Variants in SIK2 observed in about 807,000 individuals in gnomAD.
SIK2 encodes the protein salt inducible kinase 2.
SIK2 carries 29 observed loss-of-function variants against 103.2 expected under a neutral mutation model. The ratio of observed to expected loss-of-function variants is 0.28; its 90% CI spans 0.21 to 0.38. SIK2 has a LOEUF of 0.38. Ranked by LOEUF, SIK2 falls within the 10% of genes least tolerant of loss-of-function variation. The pLI, the probability that SIK2 is intolerant of heterozygous loss-of-function variation, is 1.00. For synonymous variants in SIK2, 412 were observed against 446.1 expected (o/e 0.92, Z 0.96); for missense variants, 879 against 1,171.0 (o/e 0.75, Z 3.64).
chr11:111,721,811 C>T lies in SIK2; in HGVS notation c.1945-19C>T. On this transcript the variant is annotated intron_variant, in intron 12 of 14. Transcript: ENST00000304987. ...CCCCATGGGGAATTGAAAATTGTTTCCACCCCCTTGCTCCTCAGGAAGAAG... is the reference window on the plus strand; with the variant it reads ...CCCCATGGGGAATTGAAAATTGTTTTCACCCCCTTGCTCCTCAGGAAGAAG... The T allele has an allele frequency of 6.3e-7, 1 of 1,580,512 alleles. No individual in the cohort carries two copies. Among genetic ancestry groups the T allele is most frequent in the Non-Finnish European group, 8.6e-7 (1 of 1,164,274 alleles).
intron 3 of SIK2, among the ~76,000 whole-genome samples, chr11:111,644,384 T>A (rs1431146655): frequency 6.6e-6 from 1 of 151,978 alleles, no homozygotes. Flanking sequence ...GAAACTTTTT[T>A]TACATTTAAA....
At chr11:111,686,974 T>TG (rs772653628) in intron 3 of SIK2, among the ~76,000 whole-genome samples, 10 of 152,218 alleles carry the variant, frequency 6.6e-5, no homozygotes, top group Non-Finnish European at 1.0e-4. Flanking sequence ...GTATAATAAT[T>TG]GCATGAAAAC....
chr11:111,617,743 G>A (rs1005092389), intron 2 of SIK2, among the ~76,000 whole-genome samples: 8 of 151,972 alleles, frequency 5.3e-5, no homozygotes, highest in Non-Finnish European at 1.0e-4. Context: ...GTTTTGTTGT[G>A]TATATTTTAT....
Position 111,723,936 on chromosome 11 carries a change from C to T in SIK2, c.2588C>T (p.Thr863Ile), listed in dbSNP as rs759212346. ...SAASPAPDYP[T>I]PCQYPVDGAQ... ...GCTTCCCCTGCGCCAGACTATCCCA[C>T]TCCCTGTCAGTATCCTGTGGATGGA... Residue 863 changes from threonine to isoleucine, a missense_variant, in exon 15 of 15, where the codon ACT becomes ATT. Physicochemically the swap from Thr to Ile is moderately conservative, Grantham distance 89. This residue lies in a region of SIK2 where 375 missense variants were observed against 416.3 expected (regional missense o/e 0.90). Coordinates refer to ENST00000304987, the MANE Select transcript of SIK2 (RefSeq NM_015191.3). 1.5e-5 allele frequency: 24 copies of T among 1,614,104 alleles called. No homozygotes were observed. The highest frequency in any genetic ancestry group is 1.6e-4 in the Middle Eastern group (1 of 6,062).
chr11:111,613,816 A>G (rs151068195), intron 1 of SIK2, among the ~76,000 whole-genome samples: 1 of 152,290 alleles, frequency 6.6e-6, no homozygotes, highest in African/African-American at 2.4e-5. Flanking sequence ...AATTTTATAC[A>G]TTATGTTTAG....
chr11:111,614,659 T>A (rs1349180156), intron 1 of SIK2, among the ~76,000 whole-genome samples: 1 of 152,162 alleles, frequency 6.6e-6, no homozygotes, highest in African/African-American at 2.4e-5. Flanking sequence ...TCTTGCTGTC[T>A]TAGTGGTGGA....
intron 3 of SIK2, among the ~76,000 whole-genome samples, chr11:111,658,238 G>T (rs868526333): frequency 2.6e-5 from 4 of 151,790 alleles, no homozygotes; most frequent in Non-Finnish European, 4.4e-5. Flanking sequence ...TGATTCTTCT[G>T]CCTCAGCCTC....
At chr11:111,645,714 C>G (rs1942246242) in intron 3 of SIK2, among the ~76,000 whole-genome samples, 1 of 151,488 alleles carries the variant, frequency 6.6e-6, no homozygotes, top group Non-Finnish European at 1.5e-5. Context: ...ACTTGAGAGG[C>G]TAAGGGAGGA....
rs138781954 is a variant in SIK2 at position 111,693,032 on chromosome 11, G to A, written c.478+4870G>A. Among the ~76,000 whole-genome samples, 466 of 152,128 alleles carry A rather than the reference G, an allele frequency of 3.1e-3. 2 individuals are homozygous for A. The highest frequency in any genetic ancestry group is 0.01 in the African/African-American group (425 of 41,512). On this transcript the variant is annotated intron_variant, in intron 4 of 14. Coordinates refer to ENST00000304987, the MANE Select transcript of SIK2 (RefSeq NM_015191.3). ...TCAGTTTCCAGGTTTTGTTTTCCCC[G>A]TGGGTAAAAACTTGAGACAGGCCGG...
rs1384952981 is a variant in SIK2, at chr11:111,730,056, G to GT, written c.*5928dup. On this transcript the variant is annotated 3_prime_UTR_variant, in exon 15 of 15. Coordinates refer to ENST00000304987, the MANE Select transcript of SIK2 (RefSeq NM_015191.3). Reference sequence around the variant, plus strand: ...CTCAGCCTTTGTCTCAACGAGGGGCGTAACATTTCCTTACAGTCAAGCCCC... The same window carrying GT: ...CTCAGCCTTTGTCTCAACGAGGGGCGTTAACATTTCCTTACAGTCAAGCCCC... 18 of 152,250 alleles carry GT rather than the reference G, an allele frequency of 1.2e-4. No individual in the cohort carries two copies. The highest frequency in any genetic ancestry group is 3.9e-4 in the African/African-American group (16 of 41,458). The allele number at this position is 152,250 out of a possible 1,614,324, so 9.4% of individuals were successfully genotyped here. A position where few individuals can be genotyped will look rare whatever the true frequency, so the allele number is the denominator to read the frequency against.
At chr11:111,623,258 A>C (rs1419098747) in intron 3 of SIK2, among the ~76,000 whole-genome samples, 1 of 152,002 alleles carries the variant, frequency 6.6e-6, no homozygotes, top group African/African-American at 2.4e-5. Context: ...AATGCCTTCC[A>C]TGTCTTTACT....
At chr11:111,718,523 G>A (rs1248033409) in intron 9 of SIK2, among the ~76,000 whole-genome samples, 2 of 152,202 alleles carry the variant, frequency 1.3e-5, no homozygotes, top group Non-Finnish European at 2.9e-5. Context: ...TTACCCGAGT[G>A]AGGGCTATAG....
chr11:111,632,568 A>G (rs931109273), intron 3 of SIK2, among the ~76,000 whole-genome samples: 2 of 152,150 alleles, frequency 1.3e-5, no homozygotes, highest in Admixed American at 1.3e-4. Flanking sequence ...TTACAGTTGA[A>G]GAAACTGAGG....
At chr11:111,668,494 T>C (rs1174808982) in intron 3 of SIK2, among the ~76,000 whole-genome samples, 1 of 152,178 alleles carries the variant, frequency 6.6e-6, no homozygotes, top group Non-Finnish European at 1.5e-5. Context: ...CATTGATAAA[T>C]TTGAGTACAC....
Position 111,712,380 on chromosome 11 carries a change from G to C in SIK2, c.1266+5G>C. 2 of 1,612,052 alleles carry C rather than the reference G, an allele frequency of 1.2e-6. No individual in the cohort carries two copies. Among genetic ancestry groups the C allele is most frequent in the Non-Finnish European group, 1.7e-6 (2 of 1,178,704 alleles). On this transcript the variant is annotated splice_donor_5th_base_variant and intron_variant, in intron 9 of 14. Transcript: ENST00000304987. The stretch of plus-strand genomic sequence containing the variant: ...GAGTGTGTGGACACTCCAAAGGTAC[G>C]GCTATGTTTGAGAGTCTCAGAACTG...
chr11:111,680,901 T>C (rs1942768494), intron 3 of SIK2, among the ~76,000 whole-genome samples: 1 of 152,230 alleles, frequency 6.6e-6, no homozygotes, highest in African/African-American at 2.4e-5. Flanking sequence ...TCTGTATAAT[T>C]TGAAATCTGC....
intron 3 of SIK2, among the ~76,000 whole-genome samples, chr11:111,642,623 C>CA (rs1942197598): frequency 6.6e-6 from 1 of 152,156 alleles, no homozygotes; most frequent in Non-Finnish European, 1.5e-5. Flanking sequence ...ATTACATAGG[C>CA]ATGATTGAGT....
At chr11:111,608,489 C>T (rs1941677205) in intron 1 of SIK2, among the ~76,000 whole-genome samples, 1 of 152,022 alleles carries the variant, frequency 6.6e-6, no homozygotes, top group South Asian at 2.1e-4. Context: ...AGAGATAATG[C>T]CTGTTAATAT....
intron 1 of SIK2, 84 bp from the exon 2 acceptor site, chr11:111,616,159 T>C: frequency 2.3e-6 from 2 of 862,842 alleles, no homozygotes; most frequent in Non-Finnish European, 3.8e-6. Context: ...AGGTGAAGTC[T>C]CATGTCATTT....
Sources: gnomAD v4.1 joint callset for allele counts (sites outside exome capture counted in the v4.1 genomes callset) on GRCh38, gnomAD v4.1.1 for gene constraint, gnomAD v4.1.1 regional missense constraint, MANE v1.5 for transcripts, NCBI Gene and HGNC (gene_info 2026-07-23, HGNC 2026-07-21) for gene names.